The following LHX5 variants were observed in gnomAD, a reference collection of about 807,000 sequenced individuals.
LHX5 encodes LIM/homeobox protein Lhx5.
In LHX5, 5 loss-of-function variants were observed where a neutral mutation model predicts 30.6. The observed-to-expected ratio is 0.16, with a 90% CI of 0.09 to 0.34. LHX5 has a LOEUF of 0.34. LHX5 is among the 10% of genes least tolerant of loss of function. The pLI is 1.00. For synonymous variants in LHX5, 266 were observed against 252.6 expected (o/e 1.05, Z -0.50); for missense variants, 458 against 570.6 (o/e 0.80, Z 2.01).
rs938899967 is a variant in LHX5, at chr12:113,464,165, G to C, written c.842-608C>G. On this transcript the variant is annotated intron_variant, in intron 4 of 4. Coordinates refer to ENST00000261731, the MANE Select transcript of LHX5 (RefSeq NM_022363.3). This position sits in a 1 kb window ranked among gnomAD's most constrained non-coding sequence, Gnocchi z 6.2. The stretch of plus-strand genomic sequence containing the variant: ...GTTAGAGACACGCGTGGAAACCCCC[G>C]GGGGCGGCAGCGAGGGAGTCAGGAG... 2.6e-5 allele frequency among the ~76,000 whole-genome samples: 4 copies of C among 152,196 alleles called. No individual in the cohort carries two copies. Among genetic ancestry groups the C allele is most frequent in the Non-Finnish European group, 5.9e-5 (4 of 68,040 alleles).
intron 1 of LHX5, among the ~76,000 whole-genome samples, chr12:113,469,925 C>G (rs112638163): frequency 1.3e-5 from 2 of 152,368 alleles, no homozygotes; most frequent in East Asian, 1.9e-4. Context: ...TCCAATCCAC[C>G]GCTCTGGGAC....
rs912797124 is a variant in LHX5 at position 113,464,457 on chromosome 12, C to A, written c.842-900G>T. Among the ~76,000 whole-genome samples the A allele has an allele frequency of 6.6e-6, 1 of 152,244 alleles. No individual in the cohort carries two copies. ...CTTGGCGCCCTAAACTCGGTCCCTG[C>A]GCCCTACCAACCCAGTCCAAGTCCT... On this transcript the variant is annotated intron_variant, in intron 4 of 4. Coordinates refer to ENST00000261731, the MANE Select transcript of LHX5 (RefSeq NM_022363.3). This position sits in a 1 kb window ranked among gnomAD's most constrained non-coding sequence, Gnocchi z 6.2.
At chr12:113,469,542 G>A (rs543890112) in intron 1 of LHX5, among the ~76,000 whole-genome samples, 197 bp from the exon 2 acceptor site, 2 of 152,372 alleles carry the variant, frequency 1.3e-5, no homozygotes, top group South Asian at 4.1e-4. Flanking sequence ...GACTGGGACT[G>A]CCATGCCTCC....
At chr12:113,468,881 G>T (rs1010688844) in intron 2 of LHX5, among the ~76,000 whole-genome samples, 1 of 152,218 alleles carries the variant, frequency 6.6e-6, no homozygotes, top group African/African-American at 2.4e-5. Context: ...CTTGGAAAAG[G>T]CTCCTGAATT....
rs533121416 is a variant in LHX5, at chr12:113,467,248, C to T, written c.841+8G>A. ...GTGCGGAACAGCGAATCCCGGGGCGCCCCTTACCTCCGTAGTAGGTGTACG... is the reference window on the plus strand; with the variant it reads ...GTGCGGAACAGCGAATCCCGGGGCGTCCCTTACCTCCGTAGTAGGTGTACG... On this transcript the variant is annotated splice_region_variant and intron_variant, in intron 4 of 4. Coordinates refer to ENST00000261731, the MANE Select transcript of LHX5 (RefSeq NM_022363.3). The surrounding 1 kb of genome is among the most constrained non-coding windows in gnomAD (Gnocchi z 6.3). The T allele has an allele frequency of 1.4e-6, 2 of 1,445,860 alleles. No homozygotes were observed. Among genetic ancestry groups the T allele is most frequent in the African/African-American group, 1.4e-5 (1 of 69,656 alleles). The allele number at this position is 1,445,860 out of a possible 1,614,324, so 89.6% of individuals were successfully genotyped here. A position where few individuals can be genotyped will look rare whatever the true frequency, so the allele number is the denominator to read the frequency against.
At position 113,468,422 on chromosome 12, in the gene LHX5, G is replaced by C; in HGVS notation, c.398-18C>G. The C allele has an allele frequency of 1.3e-6, 2 of 1,598,440 alleles. No homozygotes were observed. The highest frequency in any genetic ancestry group is 2.2e-5 in the East Asian group (1 of 44,504). On this transcript the variant is annotated intron_variant, in intron 2 of 4. Coordinates refer to ENST00000261731, the MANE Select transcript of LHX5 (RefSeq NM_022363.3). ...GGATGACACTGCGGGCGGACGGATC[G>C]GGAAGGGGACAGCGGCGTCAGCGAC...
rs1958204357 is a variant in LHX5 at position 113,465,058 on chromosome 12, T to G, written c.842-1501A>C. 1.3e-5 allele frequency among the ~76,000 whole-genome samples: 2 copies of G among 152,022 alleles called. No individual in the cohort carries two copies. Among genetic ancestry groups the G allele is most frequent in the Admixed American group, 6.5e-5 (1 of 15,268 alleles). The stretch of plus-strand genomic sequence containing the variant: ...CTGCAAATCCACTCCCCCTGCTGAG[T>G]CCTGGGATCTCAGTCAAGGGGCGAA... On this transcript the variant is annotated intron_variant, in intron 4 of 4. Coordinates refer to ENST00000261731, the MANE Select transcript of LHX5 (RefSeq NM_022363.3). The surrounding 1 kb of genome is among the most constrained non-coding windows in gnomAD (Gnocchi z 6.7).
In LHX5 at chr12:113,467,529, CACCAGG is replaced by C. The variant is rs1301462235; in HGVS notation, c.676-114_676-109del. 1 of 1,057,862 alleles carries C rather than the reference CACCAGG, an allele frequency of 9.5e-7. No individual in the cohort carries two copies. Among genetic ancestry groups the C allele is most frequent in the East Asian group, 3.0e-5 (1 of 32,868 alleles). 65.5% of individuals were successfully genotyped at this position (1,057,862 alleles called of 1,614,324 possible). A position where few individuals can be genotyped will look rare whatever the true frequency, so the allele number is the denominator to read the frequency against. On this transcript the variant is annotated intron_variant, in intron 3 of 4. Coordinates refer to ENST00000261731, the MANE Select transcript of LHX5 (RefSeq NM_022363.3). The surrounding 1 kb of genome is among the most constrained non-coding windows in gnomAD (Gnocchi z 6.3). ...CTGCTGGGTCCTTGCGCCTCTTCCG[CACCAGG>C]ACTCCCCCGAGGCGGGGCCGGGCCG...
rs1958185271 is a variant in LHX5 at position 113,463,060 on chromosome 12, G to A, written c.*130C>T. 1.3e-6 allele frequency: 1 copy of A among 797,936 alleles called. No homozygotes were observed. The highest frequency in any genetic ancestry group is 3.7e-5 in the Admixed American group (1 of 27,018). 49.4% of individuals were successfully genotyped at this position (797,936 alleles called of 1,614,324 possible). A position where few individuals can be genotyped will look rare whatever the true frequency, so the allele number is the denominator to read the frequency against. ...GCCGAGGAGCAGCTGCCAGTTGAGT[G>A]CGGACCCGAGAGAGAACCCCCGAGG... On this transcript the variant is annotated 3_prime_UTR_variant, in exon 5 of 5. Transcript: ENST00000261731. This position sits in a 1 kb window ranked among gnomAD's most constrained non-coding sequence, Gnocchi z 6.7.
rs747212860 is a variant in LHX5, at chr12:113,468,110, C to T, written c.675+17G>A. On this transcript the variant is annotated intron_variant, in intron 3 of 4. Transcript: ENST00000261731. ...AGGCCAGCGGGGCTAAGGAGCTGTG[C>T]CCGCCCCGGGCCGCACCTGGATGAC... is the stretch of plus-strand genomic sequence containing the variant. 12 of 1,523,648 alleles carry T rather than the reference C, an allele frequency of 7.9e-6. No individual in the cohort carries two copies. Among genetic ancestry groups the T allele is most frequent in the Middle Eastern group, 1.8e-4 (1 of 5,652 alleles). The allele number at this position is 1,523,648 out of a possible 1,614,324, so 94.4% of individuals were successfully genotyped here. A position where few individuals can be genotyped will look rare whatever the true frequency, so the allele number is the denominator to read the frequency against.
Position 113,463,612 on chromosome 12 carries a change from C to CGGGGGACCCGGGACCCGGGG in LHX5, c.842-75_842-56dup. ...GCGCGGTGAGAGAAGGCGAAGTAGG[C>CGGGGGACCCGGGACCCGGGG]GGGGGACCCGGGACCCGGGGAGGGG... On this transcript the variant is annotated intron_variant, in intron 4 of 4. Coordinates refer to ENST00000261731, the MANE Select transcript of LHX5 (RefSeq NM_022363.3). This position sits in a 1 kb window ranked among gnomAD's most constrained non-coding sequence, Gnocchi z 6.7. 1 of 1,457,294 alleles carries CGGGGGACCCGGGACCCGGGG rather than the reference C, an allele frequency of 6.9e-7. No homozygotes were observed. The highest frequency in any genetic ancestry group is 1.4e-5 in the South Asian group (1 of 72,116). 90.3% of individuals were successfully genotyped at this position (1,457,294 alleles called of 1,614,324 possible).
intron 1 of LHX5, among the ~76,000 whole-genome samples, chr12:113,470,065 T>A (rs1183591331): frequency 1.3e-5 from 2 of 152,188 alleles, no homozygotes; most frequent in Non-Finnish European, 2.9e-5. Context: ...TAGAGGACAA[T>A]CATAGATCCT....
rs918557071 is a variant in LHX5, at chr12:113,467,665, CG to C, written c.676-245del. Among the ~76,000 whole-genome samples, 6 of 152,218 alleles carry C rather than the reference CG, an allele frequency of 3.9e-5. No individual in the cohort carries two copies. The highest frequency in any genetic ancestry group is 3.3e-4 in the Admixed American group (5 of 15,290). ...ATAAAGACTTGGGCTTCCTGGTCCC[CG>C]GCTCGCCCGCGGCCTGACGGCTCTA... On this transcript the variant is annotated intron_variant, in intron 3 of 4. Coordinates refer to ENST00000261731, the MANE Select transcript of LHX5 (RefSeq NM_022363.3). The surrounding 1 kb of genome is among the most constrained non-coding windows in gnomAD (Gnocchi z 6.3).
Position 113,463,240 on chromosome 12 carries a change from C to T in LHX5, c.1159G>A (p.Gly387Arg), listed in dbSNP as rs1213121764. 1.8e-5 allele frequency: 27 copies of T among 1,525,548 alleles called. No individual in the cohort carries two copies. Among genetic ancestry groups the T allele is most frequent in the Non-Finnish European group, 2.3e-5 (26 of 1,141,412 alleles). The allele number at this position is 1,525,548 out of a possible 1,614,324, so 94.5% of individuals were successfully genotyped here. A position where few individuals can be genotyped will look rare whatever the true frequency, so the allele number is the denominator to read the frequency against. Reference protein sequence around the residue: ...FPMSGTSGYSGPLSHPNPELN... With the variant: ...FPMSGTSGYSRPLSHPNPELN... ...TCGGGGTTGGGATGCGACAGGGGTC[C>T]GCTGTAGCCGCTGGTGCCGCTCATT... The change falls in exon 5 of 5, where the codon GGA (glycine) becomes AGA (arginine). Residue 387 changes from glycine to arginine, a missense_variant. Gly to Arg is a moderately radical substitution (Grantham distance 125, BLOSUM62 -2). Transcript: ENST00000261731. The surrounding 1 kb of genome is among the most constrained non-coding windows in gnomAD (Gnocchi z 6.7).
chr12:113,463,248 C>A lies in LHX5; in HGVS notation c.1151G>T (p.Gly384Val). The A allele has an allele frequency of 6.5e-7, 1 of 1,526,970 alleles. No homozygotes were observed. Among genetic ancestry groups the A allele is most frequent in the Non-Finnish European group, 8.8e-7 (1 of 1,141,660 alleles). 94.6% of individuals were successfully genotyped at this position (1,526,970 alleles called of 1,614,324 possible). ...SPPFPMSGTSGYSGPLSHPNP... is the reference protein window; with the variant it reads ...SPPFPMSGTSVYSGPLSHPNP... ...GGGATGCGACAGGGGTCCGCTGTAG[C>A]CGCTGGTGCCGCTCATTGGGAAGGG... The change falls in exon 5 of 5, where the codon GGC becomes GTC. Residue 384 changes from glycine (G) to valine (V), a missense_variant. Gly to Val is a moderately radical substitution (Grantham distance 109). This residue lies in a region of LHX5 where 255 missense variants were observed against 246.8 expected (regional missense o/e 1.03). Coordinates refer to ENST00000261731, the MANE Select transcript of LHX5 (RefSeq NM_022363.3). The surrounding 1 kb of genome is among the most constrained non-coding windows in gnomAD (Gnocchi z 6.7).
In LHX5 at chr12:113,468,123, G is replaced by T. The variant is rs1555212451; in HGVS notation, c.675+4C>A. ...TAAGGAGCTGTGCCCGCCCCGGGCC[G>T]CACCTGGATGACGCGCATGTTGAGG... On this transcript the variant is annotated splice_donor_region_variant and intron_variant, in intron 3 of 4. Transcript: ENST00000261731. 1 of 1,557,646 alleles carries T rather than the reference G, an allele frequency of 6.4e-7. No homozygotes were observed. Among genetic ancestry groups the T allele is most frequent in the Non-Finnish European group, 8.7e-7 (1 of 1,154,168 alleles).
Position 113,463,917 on chromosome 12 carries a change from C to A in LHX5, c.842-360G>T, listed in dbSNP as rs1247950381. ...AGAGATGGAGAGAGACAGAGGCGGC[C>A]AGAGACGCAGAGACAGACAATGATT... On this transcript the variant is annotated intron_variant, in intron 4 of 4. Coordinates refer to ENST00000261731, the MANE Select transcript of LHX5 (RefSeq NM_022363.3). The surrounding 1 kb of genome is among the most constrained non-coding windows in gnomAD (Gnocchi z 6.7). 2.0e-5 allele frequency among the ~76,000 whole-genome samples: 3 copies of A among 152,136 alleles called. No individual in the cohort carries two copies. Among genetic ancestry groups the A allele is most frequent in the African/African-American group, 7.2e-5 (3 of 41,432 alleles).
intron 1 of LHX5, 79 bp from the exon 2 acceptor site, chr12:113,469,424 C>T (rs1958233477): frequency 2.2e-6 from 3 of 1,374,682 alleles, no homozygotes; most frequent in Non-Finnish European, 3.0e-6. Context: ...TCCCACCCGA[C>T]CTGGCTTCGG....
chr12:113,463,640 C>T lies in LHX5; in HGVS notation c.842-83G>A, dbSNP rs770937888. 80 of 1,402,760 alleles carry T rather than the reference C, an allele frequency of 5.7e-5. No homozygotes were observed. Among genetic ancestry groups the T allele is most frequent in the Non-Finnish European group, 7.2e-5 (77 of 1,066,488 alleles). 86.9% of individuals were successfully genotyped at this position (1,402,760 alleles called of 1,614,324 possible). A position where few individuals can be genotyped will look rare whatever the true frequency, so the allele number is the denominator to read the frequency against. ...GGGACCCGGGACCCGGGGAGGGGAC[C>T]CGGGCGGGCGAGAGAGGGGAGCGCG... is the stretch of plus-strand genomic sequence containing the variant. On this transcript the variant is annotated intron_variant, in intron 4 of 4. Coordinates refer to ENST00000261731, the MANE Select transcript of LHX5 (RefSeq NM_022363.3). This position sits in a 1 kb window ranked among gnomAD's most constrained non-coding sequence, Gnocchi z 6.7.
Sources: allele counts gnomAD v4.1 joint callset (sites outside exome capture counted in the v4.1 genomes callset), GRCh38; gene constraint gnomAD v4.1.1; regional missense constraint gnomAD v4.1.1; non-coding constraint Gnocchi (gnomAD v3.1); transcripts MANE v1.5; gene names NCBI Gene and HGNC (gene_info 2026-07-23, HGNC 2026-07-21).